Variants in TMEM117 observed in about 807,000 individuals in gnomAD.
TMEM117 encodes transmembrane protein 117.
Under a neutral mutation model 52.4 loss-of-function variants are expected in TMEM117, and 27 were observed. The ratio of observed to expected loss-of-function variants is 0.51; its 90% CI spans 0.38 to 0.71. The LOEUF is 0.71. Ranked by LOEUF, TMEM117 falls within the 30% of genes least tolerant of loss-of-function variation. The pLI, the probability that TMEM117 is intolerant of heterozygous loss-of-function variation, is 0.00. For synonymous variants in TMEM117, 215 were observed against 206.3 expected, an observed-to-expected ratio of 1.04 and a Z score of -0.36; for missense variants, 556 against 630.5, an observed-to-expected ratio of 0.88 and a Z score of 1.26.
chr12:43,962,994 G>A (rs1945428514), intron 3 of TMEM117, among the ~76,000 whole-genome samples: 2 of 151,364 alleles, frequency 1.3e-5, no homozygotes, highest in South Asian at 2.1e-4. Context: ...ACATTATTCA[G>A]CATCCTATAT....
rs911160381 is a variant in TMEM117 at position 44,009,861 on chromosome 12, T to C, written c.410+65519T>C. On this transcript the variant is annotated intron_variant, in intron 3 of 7. Coordinates refer to ENST00000266534, the MANE Select transcript of TMEM117 (RefSeq NM_032256.3). ...CTTGTGCAAAATGGTCAGGAACTGCTCTAACATCAATATTTCCAAGATCTA... is the reference window on the plus strand; with the variant it reads ...CTTGTGCAAAATGGTCAGGAACTGCCCTAACATCAATATTTCCAAGATCTA... The C allele has an allele frequency of 1.1e-5, 3 of 279,068 alleles. No homozygotes were observed. In the Admixed American group the frequency reaches 1.3e-4, roughly 12 times the overall value. The allele number at this position is 279,068 out of a possible 1,614,324, so 17.3% of individuals were successfully genotyped here.
At chr12:44,060,185 A>G (rs1288210006) in intron 3 of TMEM117, among the ~76,000 whole-genome samples, 1 of 152,194 alleles carries the variant, frequency 6.6e-6, no homozygotes, top group African/African-American at 2.4e-5. Context: ...GAAGCTTCAT[A>G]GATGTTTGAT....
chr12:44,291,128 A>G (rs1195401221), intron 5 of TMEM117, among the ~76,000 whole-genome samples: 2 of 152,204 alleles, frequency 1.3e-5, no homozygotes, highest in Admixed American at 1.3e-4. Flanking sequence ...CTCTGAAGAT[A>G]GGAAGTATTC....
intron 6 of TMEM117, among the ~76,000 whole-genome samples, chr12:44,363,563 A>G (rs1399034681): frequency 6.6e-6 from 1 of 152,196 alleles, no homozygotes; most frequent in Non-Finnish European, 1.5e-5. Context: ...AAAAAGAAAA[A>G]TCATTAATTA....
intron 2 of TMEM117, among the ~76,000 whole-genome samples, chr12:43,933,268 C>T (rs1015118950): frequency 4.0e-5 from 6 of 151,178 alleles, no homozygotes; most frequent in Admixed American, 1.3e-4. Flanking sequence ...GGCACGATCT[C>T]GGCTCACTGC....
chr12:44,106,817 A>G (rs545453647), intron 3 of TMEM117, among the ~76,000 whole-genome samples: 19 of 152,186 alleles, frequency 1.2e-4, no homozygotes, highest in African/African-American at 4.3e-4. Context: ...ATTACAGTGA[A>G]TAGTACATTG....
At chr12:44,240,036 A>C (rs1247456345) in intron 5 of TMEM117, among the ~76,000 whole-genome samples, 1 of 152,150 alleles carries the variant, frequency 6.6e-6, no homozygotes, top group Non-Finnish European at 1.5e-5. Flanking sequence ...AAAAAAGATC[A>C]GATGAAATTA....
intron 5 of TMEM117, among the ~76,000 whole-genome samples, chr12:44,274,698 G>A (rs1296084935): frequency 2.6e-5 from 4 of 152,050 alleles, no homozygotes; most frequent in South Asian, 2.1e-4. Flanking sequence ...GAACATACAC[G>A]TTGGAAAAGA....
intron 5 of TMEM117, among the ~76,000 whole-genome samples, chr12:44,275,823 TG>T (rs1163510168): frequency 6.7e-6 from 1 of 149,060 alleles, no homozygotes; most frequent in African/African-American, 2.5e-5. Context: ...GGCGGGGAGG[TG>T]GGAATGGTTA....
At chr12:44,324,327 A>G (rs758569936) in intron 6 of TMEM117, among the ~76,000 whole-genome samples, 15 of 152,014 alleles carry the variant, frequency 9.9e-5, no homozygotes, top group Admixed American at 9.2e-4. Flanking sequence ...ACCATCTTCA[A>G]TATCATTACT....
At chr12:43,805,819 A>C in the TMEM117 span, 1 of 1,375,236 alleles carries the variant, frequency 7.3e-7, no homozygotes, top group Non-Finnish European at 9.6e-7. Context: ...GACCATGAAA[A>C]AGAAAACTCG....
At chr12:44,322,983 A>G (rs941111251) in intron 6 of TMEM117, among the ~76,000 whole-genome samples, 10 of 152,174 alleles carry the variant, frequency 6.6e-5, no homozygotes, top group African/African-American at 1.9e-4. Context: ...GGAGGGCCCA[A>G]TATAATCACA....
chr12:43,944,364 T>C, intron 3 of TMEM117, 22 bp downstream of exon 3: 1 of 1,600,688 alleles, frequency 6.2e-7, no homozygotes, highest in Non-Finnish European at 8.5e-7. Flanking sequence ...TTCCCCTTTC[T>C]ACTGTGGTGA....
At position 44,024,627 on chromosome 12, in the gene TMEM117, A is replaced by AAGGG. The variant is rs765193532; in HGVS notation, c.410+80300_410+80303dup. ...GGGTGGGAGGAAGAGAGAAGGCAGG[A>AAGGG]AGGGAGGGAGGGAGGGAGAGAGAGT... On this transcript the variant is annotated intron_variant, in intron 3 of 7. Transcript: ENST00000266534. 8.0e-4 allele frequency among the ~76,000 whole-genome samples: 117 copies of AAGGG among 146,830 alleles called. No homozygotes were observed. In the Middle Eastern group the frequency reaches 0.01, roughly 13 times the overall value.
intron 3 of TMEM117, among the ~76,000 whole-genome samples, chr12:44,048,345 C>T (rs1325658659): frequency 6.6e-6 from 1 of 151,894 alleles, no homozygotes; most frequent in African/African-American, 2.4e-5. Flanking sequence ...TTTTCTATTT[C>T]TTTGATTTCT....
chr12:44,300,082 G>A (rs1035137868), intron 6 of TMEM117, among the ~76,000 whole-genome samples: 3 of 152,150 alleles, frequency 2.0e-5, no homozygotes, highest in African/African-American at 7.2e-5. Flanking sequence ...GAAAGCTGCA[G>A]ACATGAGGAT....
intron 6 of TMEM117, among the ~76,000 whole-genome samples, chr12:44,317,002 C>CTTTTTTTTTTT (rs1202276425): frequency 5.8e-5 from 7 of 121,528 alleles, no homozygotes; most frequent in Non-Finnish European, 7.0e-5. Context: ...TTTTCTTTTT[C>CTTTTTTTTTTT]TTTTTTTTTT....
At chr12:43,847,095 G>C (rs991644233) in intron 2 of TMEM117, among the ~76,000 whole-genome samples, 7 of 152,146 alleles carry the variant, frequency 4.6e-5, no homozygotes, top group Non-Finnish European at 8.8e-5. Context: ...TGTTGTTGGT[G>C]GTGGGGCAGA....
intron 3 of TMEM117, among the ~76,000 whole-genome samples, chr12:44,085,295 TA>T (rs1947548806): frequency 6.6e-6 from 1 of 152,160 alleles, no homozygotes; most frequent in South Asian, 2.1e-4. Context: ...GTGCTTTACA[TA>T]GTGCTCAATA....
Sources: allele counts gnomAD v4.1 joint callset (sites outside exome capture counted in the v4.1 genomes callset), GRCh38; gene constraint gnomAD v4.1.1; transcripts MANE v1.5; gene names NCBI Gene and HGNC (gene_info 2026-07-23, HGNC 2026-07-21).